The following ADAMTSL1 variants were observed in gnomAD, a reference collection of about 807,000 sequenced individuals.
ADAMTSL1 encodes the protein ADAMTS like 1.
In ADAMTSL1, 126 loss-of-function variants were observed where a neutral mutation model predicts 201.8. That is an observed-to-expected ratio of 0.62 (90% CI 0.54 to 0.72). The LOEUF is 0.72. ADAMTSL1 is among the 30% of genes least tolerant of loss of function. The pLI is 0.00. For missense variants in ADAMTSL1, 2,679 were observed against 2,277.8 expected, an observed-to-expected ratio of 1.18 and a Z score of -3.59; for synonymous variants, 1,121 against 903.4, an observed-to-expected ratio of 1.24 and a Z score of -4.32.
intron 3 of ADAMTSL1, among the ~76,000 whole-genome samples, chr9:18,552,823 G>T (rs1820867653): frequency 6.6e-6 from 1 of 151,336 alleles, no homozygotes; most frequent in African/African-American, 2.4e-5. Context: ...TAGTTTATCT[G>T]ATATAAATAT....
chr9:18,242,680 C>T (rs1387637138), intron 2 of ADAMTSL1, among the ~76,000 whole-genome samples: 1 of 151,924 alleles, frequency 6.6e-6, no homozygotes, highest in East Asian at 1.9e-4. Context: ...ATGAAATCAA[C>T]ATATAAAAAT....
intron 23 of ADAMTSL1, among the ~76,000 whole-genome samples, chr9:18,845,138 C>T (rs1015924485): frequency 3.3e-5 from 5 of 152,158 alleles, no homozygotes; most frequent in Non-Finnish European, 7.3e-5. Flanking sequence ...CATTGCTCAC[C>T]CTGGGAGCTG....
chr9:18,141,956 G>T (rs1826416920), intron 1 of ADAMTSL1, among the ~76,000 whole-genome samples: 1 of 152,192 alleles, frequency 6.6e-6, no homozygotes, highest in Non-Finnish European at 1.5e-5. Flanking sequence ...GTACTTCCCA[G>T]GGCTGTGGCC....
At chr9:18,015,829 C>A (rs371926893) in intron 1 of ADAMTSL1, among the ~76,000 whole-genome samples, 5 of 152,064 alleles carry the variant, frequency 3.3e-5, no homozygotes, top group South Asian at 2.1e-4. Context: ...TAAGAGAGGA[C>A]CTGAACCCAG....
At chr9:18,006,058 A>G (rs553858147) in intron 1 of ADAMTSL1, among the ~76,000 whole-genome samples, 3 of 152,050 alleles carry the variant, frequency 2.0e-5, no homozygotes, top group South Asian at 2.1e-4. Flanking sequence ...TGCAGTAATG[A>G]GGTGGTAAAT....
At chr9:18,703,444 A>G (rs1434584337) in intron 13 of ADAMTSL1, among the ~76,000 whole-genome samples, 2 of 152,036 alleles carry the variant, frequency 1.3e-5, no homozygotes, top group Non-Finnish European at 2.9e-5. Context: ...AAAAGAGACT[A>G]TATTATATTA....
Position 18,755,254 on chromosome 9 carries a change from C to G in ADAMTSL1, c.2217+1746C>G, listed in dbSNP as rs555408364. ...CCTCTAATTGGAGTGAATCTATGAC[C>G]TTAAACGGCACCACTAACCCATGCC... On this transcript the variant is annotated intron_variant, in intron 16 of 28. Coordinates refer to ENST00000380548, the MANE Select transcript of ADAMTSL1 (RefSeq NM_001040272.6). Among the ~76,000 whole-genome samples the G allele has an allele frequency of 6.6e-5, 10 of 152,302 alleles. No individual in the cohort carries two copies. In the East Asian group the frequency reaches 1.9e-3, roughly 29 times the overall value.
intron 2 of ADAMTSL1, among the ~76,000 whole-genome samples, chr9:18,394,919 A>G (rs1285793883): frequency 2.6e-5 from 4 of 152,232 alleles, no homozygotes; most frequent in Non-Finnish European, 5.9e-5. Context: ...GCAAATGGAA[A>G]GGCTGTGGAG....
chr9:18,514,055 G>A (rs1818204651), intron 2 of ADAMTSL1, among the ~76,000 whole-genome samples: 1 of 150,006 alleles, frequency 6.7e-6, no homozygotes, highest in Admixed American at 6.7e-5. Context: ...GATAGGCAAC[G>A]CATTGTATCT....
intron 2 of ADAMTSL1, among the ~76,000 whole-genome samples, chr9:18,342,624 G>A (rs1284087406): frequency 3.3e-5 from 5 of 152,138 alleles, no homozygotes; most frequent in Non-Finnish European, 4.4e-5. Context: ...TGATGGTTTA[G>A]TGAGACATTT....
chr9:18,678,709 A>G (rs1830269169), intron 10 of ADAMTSL1, among the ~76,000 whole-genome samples: 1 of 152,198 alleles, frequency 6.6e-6, no homozygotes, highest in East Asian at 1.9e-4. Flanking sequence ...ATGTACATTT[A>G]AAAACATATT....
At chr9:18,079,156 G>T (rs1426225513) in intron 1 of ADAMTSL1, among the ~76,000 whole-genome samples, 1 of 152,150 alleles carries the variant, frequency 6.6e-6, no homozygotes, top group African/African-American at 2.4e-5. Flanking sequence ...TAGGCTCATT[G>T]TCTAGCAGTT....
chr9:18,829,752 A>G, intron 22 of ADAMTSL1, 91 bp from the exon 23 acceptor site: 1 of 1,521,586 alleles, frequency 6.6e-7, no homozygotes, highest in Non-Finnish European at 9.0e-7. Flanking sequence ...ATACGCATAC[A>G]TGTGCACACA....
intron 1 of ADAMTSL1, among the ~76,000 whole-genome samples, chr9:18,156,734 T>C (rs1020784941): frequency 6.6e-6 from 1 of 152,042 alleles, no homozygotes; most frequent in African/African-American, 2.4e-5. Context: ...CCACCTAGGA[T>C]TGGAGTACAG....
chr9:18,855,517 T>G lies in ADAMTSL1; in HGVS notation c.4249+25540T>G, dbSNP rs146830369. ...GGTAGGCCAAAGGAGAAAATGATGA[T>G]AACAATAATTGTATTCGTGTTCTAG... On this transcript the variant is annotated intron_variant, in intron 23 of 28. Transcript: ENST00000380548. Among the ~76,000 whole-genome samples, 674 of 152,310 alleles carry G rather than the reference T, an allele frequency of 4.4e-3. 5 individuals are homozygous for G. Among genetic ancestry groups the G allele is most frequent in the Admixed American group, 8.0e-3 (123 of 15,300 alleles).
intron 2 of ADAMTSL1, among the ~76,000 whole-genome samples, chr9:18,375,797 T>A (rs1339429857): frequency 6.6e-6 from 1 of 152,232 alleles, no homozygotes; most frequent in East Asian, 1.9e-4. Flanking sequence ...CCCTTTTTTG[T>A]CCCTGCCCAT....
At position 18,865,140 on chromosome 9, in the gene ADAMTSL1, T is replaced by G. The variant is rs182277000; in HGVS notation, c.4250-22691T>G. 2.8e-3 allele frequency among the ~76,000 whole-genome samples: 427 copies of G among 152,296 alleles called. 1 individual carries two copies. The highest frequency in any genetic ancestry group is 0.01 in the Admixed American group (155 of 15,294). On this transcript the variant is annotated intron_variant, in intron 23 of 28. Coordinates refer to ENST00000380548, the MANE Select transcript of ADAMTSL1 (RefSeq NM_001040272.6). ...GTGCCATGTTGGTGTGCTGCACCCA[T>G]TAACTCGTCATTTAACATTAGGTAT...
chr9:18,154,388 A>G (rs1016876666), intron 1 of ADAMTSL1, among the ~76,000 whole-genome samples: 2 of 152,046 alleles, frequency 1.3e-5, no homozygotes, highest in Non-Finnish European at 2.9e-5. Context: ...AATGTTCAGG[A>G]TGGTTCAGTC....
At chr9:18,295,253 G>A (rs570899719) in intron 2 of ADAMTSL1, among the ~76,000 whole-genome samples, 3 of 152,050 alleles carry the variant, frequency 2.0e-5, no homozygotes, top group South Asian at 4.2e-4. Flanking sequence ...CACAGTGTAC[G>A]AAGCAACAAA....
Sources: gnomAD v4.1 joint callset for allele counts (sites outside exome capture counted in the v4.1 genomes callset) on GRCh38, gnomAD v4.1.1 for gene constraint, MANE v1.5 for transcripts, NCBI Gene and HGNC (gene_info 2026-07-23, HGNC 2026-07-21) for gene names.